Variants in CCSER1 observed in about 807,000 individuals in gnomAD.
CCSER1 encodes the protein serine-rich coiled-coil domain-containing protein 1.
A neutral mutation model predicts 82.0 loss-of-function variants in CCSER1; 41 were observed. That is an observed-to-expected ratio of 0.50 (90% confidence interval 0.39 to 0.65). The LOEUF (loss-of-function observed/expected upper bound fraction) is 0.65. Among genes scored for constraint, CCSER1 ranks in the 30% least tolerant of loss-of-function variants. The pLI is 0.00. For missense variants in CCSER1, 1,119 were observed against 1,064.2 expected (o/e 1.05, Z -0.72); for synonymous variants, 414 against 383.9 (o/e 1.08, Z -0.92).
chr4:91,487,076 A>G (rs1758262344), intron 10 of CCSER1, among the ~76,000 whole-genome samples: 1 of 152,134 alleles, frequency 6.6e-6, no homozygotes, highest in African/African-American at 2.4e-5. Context: ...TAAAGAAACT[A>G]TTAATTTACA....
At chr4:90,590,367 G>A (rs983173858) in intron 5 of CCSER1, among the ~76,000 whole-genome samples, 1 of 152,172 alleles carries the variant, frequency 6.6e-6, no homozygotes, top group South Asian at 2.1e-4. Context: ...ATCACCTGAG[G>A]TCAGGAGTTC....
chr4:90,452,599 C>T (rs902458526), intron 4 of CCSER1, among the ~76,000 whole-genome samples: 5 of 152,206 alleles, frequency 3.3e-5, no homozygotes, highest in Admixed American at 2.6e-4. Flanking sequence ...TGGGTTGGAA[C>T]TCCCATGGCC....
At chr4:91,424,078 G>T (rs1449816684) in intron 10 of CCSER1, among the ~76,000 whole-genome samples, 2 of 144,422 alleles carry the variant, frequency 1.4e-5, no homozygotes, top group Non-Finnish European at 3.0e-5. Context: ...CTGCAGTGGC[G>T]CAATCTCGGC....
intron 6 of CCSER1, among the ~76,000 whole-genome samples, chr4:90,636,955 G>C (rs1725531918): frequency 6.6e-6 from 1 of 152,094 alleles, no homozygotes; most frequent in Non-Finnish European, 1.5e-5. Flanking sequence ...ATAATAAAAT[G>C]ACAGAATTAG....
intron 10 of CCSER1, among the ~76,000 whole-genome samples, chr4:91,404,485 G>T (rs967838623): frequency 6.6e-6 from 1 of 152,090 alleles, no homozygotes; most frequent in Non-Finnish European, 1.5e-5. Context: ...TAATTGTGAT[G>T]TTAGGGTGTC....
intron 1 of CCSER1, among the ~76,000 whole-genome samples, chr4:90,264,271 T>C (rs1431402996): frequency 1.3e-5 from 2 of 152,214 alleles, no homozygotes; most frequent in African/African-American, 2.4e-5. Context: ...CTTTCATAAA[T>C]TGAGTGGAAT....
intron 10 of CCSER1, among the ~76,000 whole-genome samples, chr4:91,476,529 A>C (rs1235411015): frequency 2.0e-5 from 3 of 151,768 alleles, no homozygotes; most frequent in Non-Finnish European, 4.4e-5. Context: ...TTCTTCACAG[A>C]AATTTTAAAA....
At chr4:91,242,715 A>G (rs1476224758) in intron 10 of CCSER1, among the ~76,000 whole-genome samples, 1 of 152,186 alleles carries the variant, frequency 6.6e-6, no homozygotes, top group Non-Finnish European at 1.5e-5. Flanking sequence ...TTAGCCATGG[A>G]CTGGGATAAA....
At chr4:91,522,508 T>C (rs977246666) in intron 10 of CCSER1, among the ~76,000 whole-genome samples, 2 of 152,232 alleles carry the variant, frequency 1.3e-5, no homozygotes, top group East Asian at 3.8e-4. Context: ...TCCATGAGCA[T>C]GGAATGTTCT....
chr4:91,270,008 T>C lies in CCSER1; in HGVS notation c.2217+184014T>C, dbSNP rs188921040. On this transcript the variant is annotated intron_variant, in intron 10 of 10. Coordinates refer to ENST00000509176, the MANE Select transcript of CCSER1 (RefSeq NM_001145065.2). ...GAATTGAAAAGAAGCTATTTACAGT[T>C]TTTAAAAATCAAAGTGTGATTATAC... 1.7e-3 allele frequency among the ~76,000 whole-genome samples: 259 copies of C among 152,296 alleles called. 2 individuals are homozygous for C. Among genetic ancestry groups the C allele is most frequent in the African/African-American group, 5.8e-3 (241 of 41,554 alleles).
intron 9 of CCSER1, among the ~76,000 whole-genome samples, chr4:91,081,860 C>T (rs11938500): frequency 0.026 from 3,965 of 151,892 alleles, 162 homozygotes; most frequent in African/African-American, 0.085. Flanking sequence ...TTACAAGGGA[C>T]GTGAAGAACC....
intron 10 of CCSER1, among the ~76,000 whole-genome samples, chr4:91,590,590 A>C (rs1764217540): frequency 6.6e-6 from 1 of 152,152 alleles, no homozygotes; most frequent in African/African-American, 2.4e-5. Context: ...TTGAGTCTAC[A>C]TTGGCCCTTT....
At chr4:90,759,678 T>C (rs1750126979) in intron 7 of CCSER1, among the ~76,000 whole-genome samples, 1 of 152,190 alleles carries the variant, frequency 6.6e-6, no homozygotes, top group Admixed American at 6.6e-5. Context: ...AGTGAAGAAC[T>C]CACGAAGAAC....
In CCSER1 at chr4:90,332,291, C is replaced by T. The variant is rs191990778; in HGVS notation, c.1509+19244C>T. On this transcript the variant is annotated intron_variant, in intron 3 of 10. Transcript: ENST00000509176. ...TGCTCTTATTGCCCAGGCTGGAGTG[C>T]AGTGGCTTGATTTTGGCTCACTGCA... Among the ~76,000 whole-genome samples, 160 of 151,352 alleles carry T rather than the reference C, an allele frequency of 1.1e-3. 2 individuals are homozygous for T. In the East Asian group the frequency reaches 0.024, roughly 23 times the overall value.
At chr4:90,383,224 T>A (rs1425777415) in intron 3 of CCSER1, among the ~76,000 whole-genome samples, 1 of 152,020 alleles carries the variant, frequency 6.6e-6, no homozygotes, top group Non-Finnish European at 1.5e-5. Context: ...AAAGAAAATG[T>A]CAAGTAAAAT....
chr4:90,847,376 C>G (rs978958342), intron 8 of CCSER1, among the ~76,000 whole-genome samples: 8 of 152,198 alleles, frequency 5.3e-5, no homozygotes, highest in African/African-American at 1.9e-4. Flanking sequence ...AGACCTTGAG[C>G]TTTGCCACTT....
At chr4:90,905,401 G>GA (rs1725322956) in intron 8 of CCSER1, among the ~76,000 whole-genome samples, 2 of 150,772 alleles carry the variant, frequency 1.3e-5, no homozygotes, top group African/African-American at 4.9e-5. Context: ...AGTTTCTTAA[G>GA]AAAAAATGCA....
chr4:91,315,162 TG>T (rs879612641), intron 10 of CCSER1, among the ~76,000 whole-genome samples: 18 of 151,622 alleles, frequency 1.2e-4, no homozygotes, highest in Non-Finnish European at 2.2e-4. Flanking sequence ...TGTGTGTGTG[TG>T]TGTGTGTGTG....
chr4:90,947,391 C>T (rs1045825819), intron 9 of CCSER1, among the ~76,000 whole-genome samples: 1 of 152,086 alleles, frequency 6.6e-6, no homozygotes, highest in Non-Finnish European at 1.5e-5. Context: ...GAATATTTCT[C>T]CTTAATATAT....
Sources: gnomAD v4.1 joint callset for allele counts (sites outside exome capture counted in the v4.1 genomes callset) on GRCh38, gnomAD v4.1.1 for gene constraint, MANE v1.5 for transcripts, NCBI Gene and HGNC (gene_info 2026-07-23, HGNC 2026-07-21) for gene names.